QNG1: variants seen among roughly 807,000 people sequenced by gnomAD.
The protein encoded by QNG1 is Q-nucleotide N-glycosylase 1.
chr9:83,954,633 G>A, the QNG1 span, among the ~76,000 whole-genome samples: 1 of 151,146 alleles, frequency 6.6e-6, no homozygotes, highest in Non-Finnish European at 1.5e-5. Flanking sequence ...TGTAATCCCA[G>A]CACTTTGGGA....
the QNG1 span, among the ~76,000 whole-genome samples, chr9:83,940,272 G>T: frequency 6.6e-6 from 1 of 151,966 alleles, no homozygotes; most frequent in Non-Finnish European, 1.5e-5. Flanking sequence ...AGGCATGGTG[G>T]TATGTGCCTG....
chr9:83,944,969 G>T, the QNG1 span: 1 of 1,604,288 alleles, frequency 6.2e-7, no homozygotes, highest in Admixed American at 1.7e-5. Context: ...GGGCTCGTTT[G>T]TAAAAAGAAA....
chr9:83,956,659 AG>A, the QNG1 span: 1 of 576,670 alleles, frequency 1.7e-6, no homozygotes, highest in African/African-American at 1.9e-5. Flanking sequence ...GCCAAGGTAA[AG>A]GTTCTCTCCC....
the QNG1 span, among the ~76,000 whole-genome samples, chr9:83,943,620 C>A: frequency 1.3e-5 from 2 of 152,124 alleles, no homozygotes; most frequent in African/African-American, 4.8e-5. Context: ...CCCAGTAGAG[C>A]CAACCATAGG....
At chr9:83,955,742 T>C in the QNG1 span, 375 of 1,090,502 alleles carry the variant, frequency 3.4e-4, no homozygotes, top group African/African-American at 5.6e-3. Flanking sequence ...AAATGAGTGG[T>C]ATAGGAATGC....
chr9:83,944,914 C>T, the QNG1 span: 1 of 1,614,032 alleles, frequency 6.2e-7, no homozygotes. Flanking sequence ...AAGCAGCCAT[C>T]TCCTTTTCCT....
chr9:83,940,887 A>G, the QNG1 span, among the ~76,000 whole-genome samples: 4 of 152,222 alleles, frequency 2.6e-5, no homozygotes, highest in Admixed American at 6.5e-5. Flanking sequence ...GGCACTGGTC[A>G]GTGGAACAGG....
the QNG1 span, chr9:83,944,737 A>G: frequency 7.2e-7 from 1 of 1,382,928 alleles, no homozygotes; most frequent in South Asian, 1.3e-5. Flanking sequence ...TGTAAAAGAA[A>G]CTAAACCGAG....
At chr9:83,950,909 TTTTTGAAAAAA>T in the QNG1 span, among the ~76,000 whole-genome samples, 1 of 152,242 alleles carries the variant, frequency 6.6e-6, no homozygotes, top group East Asian at 1.9e-4. Context: ...ACAGTTAAGT[TTTTTGAAAAAA>T]TTATTCCATA....
the QNG1 span, chr9:83,944,720 G>T: frequency 8.6e-7 from 1 of 1,165,868 alleles, no homozygotes; most frequent in Non-Finnish European, 1.2e-6. Context: ...AAGCAAAGGA[G>T]ACCTTTTGTA....
the QNG1 span, chr9:83,953,745 C>A: frequency 1.4e-6 from 2 of 1,475,310 alleles, no homozygotes; most frequent in Non-Finnish European, 1.9e-6. Flanking sequence ...GCAACCTCCC[C>A]CTCCCAGGTT....
At chr9:83,940,057 T>C in the QNG1 span, among the ~76,000 whole-genome samples, 1 of 152,140 alleles carries the variant, frequency 6.6e-6, no homozygotes, top group Non-Finnish European at 1.5e-5. Context: ...TTTAAAACTA[T>C]GACTGCTAGT....
At chr9:83,955,530 G>A in the QNG1 span, 68 of 1,614,150 alleles carry the variant, frequency 4.2e-5, no homozygotes, top group Middle Eastern at 1.6e-4. Flanking sequence ...TTGAGAATCC[G>A]ATGCCTCTCT....
chr9:83,951,843 A>C, the QNG1 span, among the ~76,000 whole-genome samples: 1 of 152,206 alleles, frequency 6.6e-6, no homozygotes, highest in Non-Finnish European at 1.5e-5. Flanking sequence ...TCTGGGGCAC[A>C]GCCAGGTTGG....
the QNG1 span, chr9:83,939,666 C>G: frequency 6.2e-7 from 1 of 1,614,176 alleles, no homozygotes; most frequent in South Asian, 1.1e-5. Flanking sequence ...AGAAGACAAT[C>G]CCGGATCAGC....
chr9:83,939,747 C>T, the QNG1 span: 1 of 1,607,128 alleles, frequency 6.2e-7, no homozygotes, highest in Non-Finnish European at 8.5e-7. Context: ...ATTTCTCCTG[C>T]AAGGGGGAAA....
At chr9:83,947,678 T>A in the QNG1 span, among the ~76,000 whole-genome samples, 1 of 152,172 alleles carries the variant, frequency 6.6e-6, no homozygotes, top group Non-Finnish European at 1.5e-5. Context: ...CACGCCTGAC[T>A]GGTTTTTGTA....
At chr9:83,948,961 G>C in the QNG1 span, among the ~76,000 whole-genome samples, 1 of 151,740 alleles carries the variant, frequency 6.6e-6, no homozygotes, top group African/African-American at 2.4e-5. Flanking sequence ...ACTGCGGAAG[G>C]CCGCAGGGTC....
chr9:83,956,455 C>T, the QNG1 span: 4 of 1,539,770 alleles, frequency 2.6e-6, no homozygotes, highest in Non-Finnish European at 2.6e-6. Flanking sequence ...CGACTGTTTT[C>T]TGCAATGAAT....
Sources: allele counts gnomAD v4.1 joint callset (sites outside exome capture counted in the v4.1 genomes callset), GRCh38; gene constraint gnomAD v4.1.1; transcripts MANE v1.5; gene names NCBI Gene and HGNC (gene_info 2026-07-23, HGNC 2026-07-21).